The following PHIP variants were observed in gnomAD, a reference collection of about 807,000 sequenced individuals.
The protein encoded by PHIP is PH-interacting protein.
PHIP carries 54 observed loss-of-function variants against 236.8 expected under a neutral mutation model. The ratio of observed to expected loss-of-function variants is 0.23; its 90% CI spans 0.18 to 0.29. The LOEUF is 0.29. Among genes scored for constraint, PHIP ranks in the 10% least tolerant of loss-of-function variants. The pLI, the probability that PHIP is intolerant of heterozygous loss-of-function variation, is 1.00. For missense variants in PHIP, 1,370 were observed against 2,190.8 expected, an observed-to-expected ratio of 0.63 and a Z score of 7.48; for synonymous variants, 756 against 718.9, an observed-to-expected ratio of 1.05 and a Z score of -0.83.
chr6:79,006,423 G>T (rs1488294788), intron 15 of PHIP, among the ~76,000 whole-genome samples: 1 of 151,990 alleles, frequency 6.6e-6, no homozygotes, highest in Non-Finnish European at 1.5e-5. Flanking sequence ...CCAATCAAAA[G>T]AAAAGAATTT....
chr6:78,988,698 G>A (rs58593940), intron 20 of PHIP, among the ~76,000 whole-genome samples: 2,740 of 151,464 alleles, frequency 0.018, 88 homozygotes, highest in African/African-American at 0.062. Flanking sequence ...TGGTTATGCT[G>A]ATATTTACTT....
At chr6:79,070,468 T>G (rs1032615382) in intron 4 of PHIP, among the ~76,000 whole-genome samples, 1 of 152,200 alleles carries the variant, frequency 6.6e-6, no homozygotes, top group South Asian at 2.1e-4. Context: ...CTAAGTTGCC[T>G]AGAATTTAGT....
In PHIP at chr6:79,078,057, C is replaced by T. The variant is rs922513276; in HGVS notation, c.12G>A (p.Glu4=). Residue 4 remains glutamate, a synonymous_variant, in exon 1 of 40, where the codon GAG becomes GAA. Transcript: ENST00000275034. Reference sequence around the variant, plus strand: ...ATCGCAGCTCCGAGAGGCCTTTCCTCTCACAAGACATGTTTATGGGTCACT... The same window carrying T: ...ATCGCAGCTCCGAGAGGCCTTTCCTTTCACAAGACATGTTTATGGGTCACT... MSC[E]RKGLSELRSE... is the part of the protein sequence containing the mutation. The T allele has an allele frequency of 5.0e-6, 8 of 1,609,378 alleles. No individual in the cohort carries two copies. Among genetic ancestry groups the T allele is most frequent in the Non-Finnish European group, 5.9e-6 (7 of 1,179,464 alleles).
chr6:78,968,375 C>G (rs1767289093), intron 27 of PHIP, among the ~76,000 whole-genome samples: 1 of 152,130 alleles, frequency 6.6e-6, no homozygotes, highest in African/African-American at 2.4e-5. Context: ...TTCCAATAAA[C>G]AGATTTGGCC....
At chr6:78,988,887 A>G (rs1360572502) in intron 20 of PHIP, among the ~76,000 whole-genome samples, 1 of 152,220 alleles carries the variant, frequency 6.6e-6, no homozygotes, top group African/African-American at 2.4e-5. Context: ...GCAGAGGCAA[A>G]TTGGAAACCA....
At chr6:78,941,509 T>C (rs573233598) in intron 39 of PHIP, among the ~76,000 whole-genome samples, 179 bp from the exon 40 acceptor site, 1 of 152,214 alleles carries the variant, frequency 6.6e-6, no homozygotes, top group African/African-American at 2.4e-5. Flanking sequence ...ATTTATTTTC[T>C]AATTAAAAGA....
chr6:78,950,021 A>G (rs1476166152), intron 35 of PHIP, among the ~76,000 whole-genome samples: 1 of 151,980 alleles, frequency 6.6e-6, no homozygotes, highest in African/African-American at 2.4e-5. Context: ...TTTTCCTTCC[A>G]AGCCTTGTTT....
intron 4 of PHIP, among the ~76,000 whole-genome samples, chr6:79,072,606 T>G (rs1034728835): frequency 2.0e-5 from 3 of 152,000 alleles, no homozygotes; most frequent in Non-Finnish European, 2.9e-5. Context: ...ACCTCAGCCT[T>G]CGGGGTAATT....
At chr6:79,006,271 C>T (rs1228548067) in intron 15 of PHIP, among the ~76,000 whole-genome samples, 1 of 151,872 alleles carries the variant, frequency 6.6e-6, no homozygotes, top group Non-Finnish European at 1.5e-5. Context: ...CAATAAACAC[C>T]CATATCTATA....
At chr6:78,954,987 A>C in intron 34 of PHIP, 24 bp from the exon 35 acceptor site, 1 of 1,496,350 alleles carries the variant, frequency 6.7e-7, no homozygotes, top group Admixed American at 2.4e-5. Flanking sequence ...GTTCAAATAT[A>C]TTAATAAAAG....
intron 6 of PHIP, among the ~76,000 whole-genome samples, chr6:79,059,060 C>A (rs1233374125): frequency 6.6e-6 from 1 of 151,920 alleles, no homozygotes; most frequent in African/African-American, 2.4e-5. Flanking sequence ...ACAGGACAAT[C>A]TTATGTTTTA....
At chr6:79,059,764 A>C (rs1406798279) in intron 6 of PHIP, among the ~76,000 whole-genome samples, 1 of 151,680 alleles carries the variant, frequency 6.6e-6, no homozygotes, top group Non-Finnish European at 1.5e-5. Context: ...AGTGGAAAAG[A>C]AGCTATGATT....
chr6:78,949,664 A>C (rs1294869303), intron 35 of PHIP, among the ~76,000 whole-genome samples: 1 of 150,444 alleles, frequency 6.6e-6, no homozygotes, highest in African/African-American at 2.4e-5. Context: ...GTAAGCCCCG[A>C]CTTTTCTGGG....
chr6:79,059,591 T>TTTTATATATATATATA (rs1554212509), intron 6 of PHIP, among the ~76,000 whole-genome samples: 1 of 84,732 alleles, frequency 1.2e-5, no homozygotes, highest in African/African-American at 4.7e-5. Context: ...GAAAGCAAAA[T>TTTTATATATATATATA]TATATATATA....
intron 17 of PHIP, among the ~76,000 whole-genome samples, 180 bp downstream of exon 17, chr6:79,001,719 G>T (rs781516639): frequency 6.6e-6 from 1 of 151,968 alleles, no homozygotes; most frequent in Non-Finnish European, 1.5e-5. Flanking sequence ...ACTGTAAATC[G>T]CCCATGTTCC....
rs1293996133 is a variant in PHIP, at chr6:78,938,168, T to G, written c.*2525A>C. 6.6e-6 allele frequency: 1 copy of G among 151,676 alleles called. No individual in the cohort carries two copies. Among genetic ancestry groups the G allele is most frequent in the Admixed American group, 6.6e-5 (1 of 15,228 alleles). The allele number at this position is 151,676 out of a possible 1,614,324, so 9.4% of individuals were successfully genotyped here. On this transcript the variant is annotated 3_prime_UTR_variant, in exon 40 of 40. Coordinates refer to ENST00000275034, the MANE Select transcript of PHIP (RefSeq NM_017934.7). ...ATATAAAATCTAAATATATTGGTAT[T>G]ACTAATACATGTTTAAGTGTTTCGG...
intron 4 of PHIP, among the ~76,000 whole-genome samples, chr6:79,074,998 C>G (rs1774077082): frequency 6.6e-6 from 1 of 151,950 alleles, no homozygotes; most frequent in Admixed American, 6.5e-5. Flanking sequence ...AAATCATTTC[C>G]AGGTAGAGTA....
At chr6:78,954,177 C>T (rs1766247448) in intron 35 of PHIP, among the ~76,000 whole-genome samples, 1 of 152,048 alleles carries the variant, frequency 6.6e-6, no homozygotes, top group Non-Finnish European at 1.5e-5. Context: ...TCTCGGCTCA[C>T]TGCAAGCTCC....
At chr6:79,014,156 T>C (rs941670662) in intron 15 of PHIP, among the ~76,000 whole-genome samples, 3 of 151,764 alleles carry the variant, frequency 2.0e-5, no homozygotes, top group African/African-American at 7.2e-5. Context: ...TCTGCTATTA[T>C]ATCTGCTTAC....
Sources: allele counts gnomAD v4.1 joint callset (sites outside exome capture counted in the v4.1 genomes callset), GRCh38; gene constraint gnomAD v4.1.1; transcripts MANE v1.5; gene names NCBI Gene and HGNC (gene_info 2026-07-23, HGNC 2026-07-21).